The following CFAP251 variants were observed in gnomAD, a reference collection of about 807,000 sequenced individuals.
CFAP251 encodes the protein cilia and flagella associated protein 251.
In CFAP251, 93 loss-of-function variants were observed where a neutral mutation model predicts 126.7. That is an observed-to-expected ratio of 0.73 (90% CI 0.62 to 0.87). The LOEUF (loss-of-function observed/expected upper bound fraction) is 0.87, where lower values mean the gene tolerates loss of function less well. Among genes scored for constraint, CFAP251 ranks in the 40% least tolerant of loss-of-function variants. The pLI is 0.00. For missense variants in CFAP251, 1,287 were observed against 1,389.2 expected (o/e 0.93, Z 1.17); for synonymous variants, 503 against 506.9 (o/e 0.99, Z 0.10).
At chr12:121,993,620 C>T (rs924371924) in intron 19 of CFAP251, among the ~76,000 whole-genome samples, 1 of 140,164 alleles carries the variant, frequency 7.1e-6, no homozygotes, top group Non-Finnish European at 1.6e-5. Flanking sequence ...TGCCCCGCCG[C>T]CCCATCTGGG....
intron 19 of CFAP251, chr12:121,999,280 ATTTCT>A (rs1883095365): frequency 6.5e-6 from 1 of 154,956 alleles, no homozygotes; most frequent in Non-Finnish European, 1.4e-5. Flanking sequence ...CCTGGATTTA[ATTTCT>A]TGTATTTTCT....
intron 15 of CFAP251, among the ~76,000 whole-genome samples, chr12:121,966,742 C>T (rs564956112): frequency 9.0e-4 from 137 of 151,512 alleles, no homozygotes; most frequent in African/African-American, 3.2e-3. Context: ...CCTGCCACCA[C>T]GCCTGGCTAA....
intron 15 of CFAP251, among the ~76,000 whole-genome samples, chr12:121,963,695 C>T (rs1882025950): frequency 6.7e-6 from 1 of 149,558 alleles, no homozygotes; most frequent in African/African-American, 2.5e-5. Context: ...GCCTCGAGTA[C>T]AGCAGGGCCT....
In CFAP251 at chr12:121,928,655, T is replaced by C. The variant is rs1458128591; in HGVS notation, c.748-3091T>C. 1.1e-3 allele frequency among the ~76,000 whole-genome samples: 33 copies of C among 31,420 alleles called. 3 individuals are homozygous for C. The highest frequency in any genetic ancestry group is 4.7e-3 in the East Asian group (7 of 1,478). 20.6% of individuals were successfully genotyped at this position (31,420 alleles called of 152,430 possible). On this transcript the variant is annotated intron_variant, in intron 3 of 21. Transcript: ENST00000288912. ...ATATATACGTATATATATATATATA[T>C]ACGTATATATATACGTATATATATA...
At chr12:121,948,223 T>C (rs1881391169) in intron 7 of CFAP251, 1 of 152,216 alleles carries the variant, frequency 6.6e-6, no homozygotes, top group South Asian at 2.1e-4. Flanking sequence ...ATTCACCATC[T>C]TGGCAGGAAT....
intron 7 of CFAP251, among the ~76,000 whole-genome samples, chr12:121,946,957 T>C (rs1480075097): frequency 6.6e-6 from 1 of 152,214 alleles, no homozygotes; most frequent in East Asian, 1.9e-4. Context: ...CTTTAGGATT[T>C]CTTGAACCTG....
At position 122,000,429 on chromosome 12, in the gene CFAP251, G is replaced by A. The variant is rs190149701; in HGVS notation, c.3235+485G>A. ...TAGCCGGGTATGGTGGCACACGCCT[G>A]TAATCCCAGCTACTTGGGAGGCTGA... On this transcript the variant is annotated intron_variant, in intron 20 of 21. Coordinates refer to ENST00000288912, the MANE Select transcript of CFAP251 (RefSeq NM_144668.6). Among the ~76,000 whole-genome samples, 549 of 152,066 alleles carry A rather than the reference G, an allele frequency of 3.6e-3. 2 individuals are homozygous for A. The highest frequency in any genetic ancestry group is 0.01 in the Middle Eastern group (3 of 294).
intron 5 of CFAP251, among the ~76,000 whole-genome samples, chr12:121,940,638 C>G (rs1881073464): frequency 6.6e-6 from 1 of 152,214 alleles, no homozygotes; most frequent in Non-Finnish European, 1.5e-5. Flanking sequence ...CCTCCCCCAA[C>G]CCAACCATTA....
intron 10 of CFAP251, among the ~76,000 whole-genome samples, chr12:121,956,518 G>A (rs964448039): frequency 2.6e-5 from 4 of 152,052 alleles, no homozygotes; most frequent in African/African-American, 7.2e-5. Context: ...TTTTTGAGAC[G>A]GAGTTTTGTG....
At chr12:121,962,494 G>A (rs1881974180) in intron 15 of CFAP251, among the ~76,000 whole-genome samples, 2 of 152,130 alleles carry the variant, frequency 1.3e-5, no homozygotes, top group Admixed American at 6.5e-5. Context: ...CTTACTCTTG[G>A]GTCTCAAAGG....
chr12:122,003,144 T>C (rs973801396), intron 21 of CFAP251, among the ~76,000 whole-genome samples: 3 of 152,226 alleles, frequency 2.0e-5, no homozygotes, highest in African/African-American at 7.2e-5. Context: ...AACAGCGTTC[T>C]GTTCCGTAAA....
At chr12:121,994,183 C>T (rs1882968154) in intron 19 of CFAP251, among the ~76,000 whole-genome samples, 3 of 84,126 alleles carry the variant, frequency 3.6e-5, no homozygotes, top group East Asian at 4.6e-4. Flanking sequence ...CCCGGCCAGC[C>T]GCCCCGTCCG....
chr12:121,991,042 TA>T (rs1882864826), intron 19 of CFAP251, among the ~76,000 whole-genome samples: 1 of 152,230 alleles, frequency 6.6e-6, no homozygotes, highest in African/African-American at 2.4e-5. Context: ...AAATGCTCAG[TA>T]ACTACTAGTA....
intron 17 of CFAP251, among the ~76,000 whole-genome samples, chr12:121,973,744 C>A (rs1287289233): frequency 6.6e-6 from 1 of 152,156 alleles, no homozygotes; most frequent in African/African-American, 2.4e-5. Context: ...GGCCTGTAGC[C>A]CCTTTGTTTC....
Position 121,923,795 on chromosome 12 carries a change from GA to G in CFAP251, c.556del (p.Thr186ProfsTer64), listed in dbSNP as rs1376160025. 6.2e-7 allele frequency: 1 copy of G among 1,604,520 alleles called. No homozygotes were observed. The highest frequency in any genetic ancestry group is 1.1e-5 in the South Asian group (1 of 90,920). Reference sequence around the variant, plus strand: ...GGCAGCCCTCAGGAGAGCTTGAGGAGAAAACCGACCGGATGCCCCAAGATGA... The same window carrying G: ...GGCAGCCCTCAGGAGAGCTTGAGGAGAAACCGACCGGATGCCCCAAGATGA... ...ERQPSGELEE[K>X]TDRMPQDELG... On this transcript the variant is annotated frameshift_variant, in exon 3 of 22. Coordinates refer to ENST00000288912, the MANE Select transcript of CFAP251 (RefSeq NM_144668.6). LOFTEE classifies it high-confidence loss of function.
intron 5 of CFAP251, among the ~76,000 whole-genome samples, chr12:121,939,414 A>AG (rs1881017688): frequency 6.6e-6 from 1 of 152,168 alleles, no homozygotes; most frequent in Admixed American, 6.5e-5. Flanking sequence ...TATCTCATGC[A>AG]GTAGAAGCCT....
intron 13 of CFAP251, among the ~76,000 whole-genome samples, chr12:121,959,959 C>T (rs1176423017): frequency 2.0e-5 from 3 of 151,628 alleles, no homozygotes; most frequent in African/African-American, 7.3e-5. Context: ...CACCCCCCAT[C>T]TCTACAAAAA....
intron 17 of CFAP251, chr12:121,968,984 A>C: frequency 3.0e-6 from 3 of 985,360 alleles, no homozygotes; most frequent in Non-Finnish European, 3.6e-6. Flanking sequence ...GCCGCAGGGC[A>C]GAGTCAACCA....
chr12:121,984,458 C>G (rs1004492098), intron 19 of CFAP251, among the ~76,000 whole-genome samples: 2 of 152,082 alleles, frequency 1.3e-5, no homozygotes, highest in Non-Finnish European at 2.9e-5. Flanking sequence ...AGGCGCCCAC[C>G]ACCACACCCA....
Sources: allele counts gnomAD v4.1 joint callset (sites outside exome capture counted in the v4.1 genomes callset), GRCh38; gene constraint gnomAD v4.1.1; transcripts MANE v1.5; gene names NCBI Gene and HGNC (gene_info 2026-07-23, HGNC 2026-07-21).